Variants in TENM4 observed in about 807,000 individuals in gnomAD.
TENM4 encodes teneurin-4.
A neutral mutation model predicts 243.3 loss-of-function variants in TENM4; 82 were observed. The observed-to-expected ratio is 0.34, with a 90% CI of 0.28 to 0.40. The LOEUF is 0.40. Among genes scored for constraint, TENM4 ranks in the 10% least tolerant of loss-of-function variants. The probability of loss-of-function intolerance (pLI) is 1.00; values close to 1 mark genes in which losing one functional copy is unlikely to be tolerated. For missense variants in TENM4, 3,138 were observed against 3,673.3 expected, an observed-to-expected ratio of 0.85 and a Z score of 3.77; for synonymous variants, 1,412 against 1,456.3, an observed-to-expected ratio of 0.97 and a Z score of 0.69.
rs201503940 is a variant in TENM4 at position 78,868,912 on chromosome 11, C to T, written c.1085-5780G>A. ...CCCACTTTTCTGTTTTATATTAGTG[C>T]TCAGTTTTTTTTTTTAAATGACTAT... On this transcript the variant is annotated intron_variant, in intron 9 of 33. Transcript: ENST00000278550. 4.5e-4 allele frequency among the ~76,000 whole-genome samples: 69 copies of T among 151,726 alleles called. 1 individual carries two copies. In the East Asian group the frequency reaches 0.012, roughly 27 times the overall value.
intron 4 of TENM4, among the ~76,000 whole-genome samples, chr11:79,108,517 A>C (rs1283127382): frequency 6.6e-6 from 1 of 152,104 alleles, no homozygotes; most frequent in East Asian, 1.9e-4. Flanking sequence ...GTATATATAT[A>C]TATGTAGAAC....
At chr11:79,418,303 G>T (rs7106994) in intron 1 of TENM4, among the ~76,000 whole-genome samples, 95,101 of 151,906 alleles carry the variant, frequency 0.63, 29,829 homozygotes, top group African/African-American at 0.64. Context: ...GAATCTCTCT[G>T]TGGGGATTTC....
At chr11:79,049,056 T>C (rs1230332407) in intron 6 of TENM4, among the ~76,000 whole-genome samples, 1 of 152,200 alleles carries the variant, frequency 6.6e-6, no homozygotes, top group African/African-American at 2.4e-5. Context: ...GTCTTCTGTA[T>C]ACCATGAGCC....
At chr11:78,874,452 C>G (rs574169661) in intron 9 of TENM4, among the ~76,000 whole-genome samples, 1 of 152,192 alleles carries the variant, frequency 6.6e-6, no homozygotes, top group South Asian at 2.1e-4. Flanking sequence ...CAGACTGTTA[C>G]AAAGATTTAT....
chr11:78,739,830 A>G (rs1189397044), intron 19 of TENM4, among the ~76,000 whole-genome samples: 1 of 152,130 alleles, frequency 6.6e-6, no homozygotes, highest in Admixed American at 6.5e-5. Flanking sequence ...GAACTTTCTC[A>G]TTGTATGGAA....
At chr11:78,735,219 T>C (rs776590447) in intron 20 of TENM4, among the ~76,000 whole-genome samples, 1 of 152,186 alleles carries the variant, frequency 6.6e-6, no homozygotes, top group Non-Finnish European at 1.5e-5. Context: ...CTCATTCACT[T>C]AGATGAAGTT....
intron 9 of TENM4, among the ~76,000 whole-genome samples, chr11:78,864,922 G>T (rs893878672): frequency 6.6e-6 from 1 of 152,192 alleles, no homozygotes; most frequent in Non-Finnish European, 1.5e-5. Context: ...AGAAGGCCTA[G>T]AGGAGGGGGT....
At chr11:78,762,397 A>C (rs1856450456) in intron 18 of TENM4, among the ~76,000 whole-genome samples, 1 of 152,196 alleles carries the variant, frequency 6.6e-6, no homozygotes, top group African/African-American at 2.4e-5. Flanking sequence ...AGAGAACTGA[A>C]GTGGATAAAC....
At chr11:79,086,231 T>C (rs1860808488) in intron 4 of TENM4, among the ~76,000 whole-genome samples, 2 of 152,234 alleles carry the variant, frequency 1.3e-5, no homozygotes, top group South Asian at 4.1e-4. Flanking sequence ...CCCCTGCTTT[T>C]GGAAAACAGC....
chr11:78,841,748 T>A (rs1281474567), intron 12 of TENM4, among the ~76,000 whole-genome samples: 2 of 152,084 alleles, frequency 1.3e-5, no homozygotes, highest in African/African-American at 4.8e-5. Flanking sequence ...CTCCTCAGGT[T>A]ACTCCCATCT....
intron 29 of TENM4, among the ~76,000 whole-genome samples, chr11:78,684,068 T>C (rs145169030): frequency 1.3e-5 from 2 of 152,338 alleles, no homozygotes; most frequent in African/African-American, 4.8e-5. Flanking sequence ...CTCCCTGTCC[T>C]GTACACCCCT....
chr11:78,977,794 G>T (rs1046640724), intron 6 of TENM4, among the ~76,000 whole-genome samples: 3 of 152,178 alleles, frequency 2.0e-5, no homozygotes, highest in Non-Finnish European at 4.4e-5. Context: ...AAGACAGAAT[G>T]GTGATTCCTC....
chr11:79,300,108 C>G (rs565053), intron 1 of TENM4, among the ~76,000 whole-genome samples: 82,404 of 152,082 alleles, frequency 0.54, 23,233 homozygotes, highest in East Asian at 0.78. Flanking sequence ...ACACTTCTTG[C>G]AGACTCTGTT....
At position 79,068,712 on chromosome 11, in the gene TENM4, A is replaced by G. The variant is rs1444137254; in HGVS notation, c.223+1010T>C. Among the ~76,000 whole-genome samples, 4 of 152,328 alleles carry G rather than the reference A, an allele frequency of 2.6e-5. 1 individual carries two copies. Among genetic ancestry groups the G allele is most frequent in the South Asian group, 2.1e-4 (1 of 4,822 alleles). ...CATTGGTCATGACCCAACAGGCATC[A>G]AAGAGGGCTCAAGCCTCTGCAGGCA... On this transcript the variant is annotated intron_variant, in intron 5 of 33. Coordinates refer to ENST00000278550, the MANE Select transcript of TENM4 (RefSeq NM_001098816.3).
At position 78,755,167 on chromosome 11, in the gene TENM4, GT is replaced by G. The variant is rs201489577; in HGVS notation, c.2756+1637del. Among the ~76,000 whole-genome samples the G allele has an allele frequency of 8.0e-3, 1,208 of 151,494 alleles. 16 individuals are homozygous for G. Among genetic ancestry groups the G allele is most frequent in the African/African-American group, 0.027 (1,126 of 41,296 alleles). On this transcript the variant is annotated intron_variant, in intron 19 of 33. Transcript: ENST00000278550. ...TCATTACATATTCCCCTTGAGCAAGGTTTTTTTTTCTCCCTGAGATGGGGTC... is the reference window on the plus strand; with the variant it reads ...TCATTACATATTCCCCTTGAGCAAGGTTTTTTTTCTCCCTGAGATGGGGTC...
At chr11:78,763,858 G>A (rs1856485104) in intron 18 of TENM4, among the ~76,000 whole-genome samples, 1 of 148,872 alleles carries the variant, frequency 6.7e-6, no homozygotes, top group Admixed American at 6.6e-5. Context: ...AAAGAAATTT[G>A]AGTGTCTTTC....
chr11:79,391,389 T>G (rs1441741976), intron 1 of TENM4, among the ~76,000 whole-genome samples: 2 of 146,386 alleles, frequency 1.4e-5, no homozygotes, highest in Non-Finnish European at 3.0e-5. Context: ...TGTGCTAGCC[T>G]GTGGGATGCC....
chr11:78,747,575 A>G (rs1298286494), intron 19 of TENM4, among the ~76,000 whole-genome samples: 2 of 152,078 alleles, frequency 1.3e-5, no homozygotes, highest in African/African-American at 4.8e-5. Context: ...CAGGCAGGGG[A>G]GGCACGAGGG....
At chr11:78,914,689 C>T (rs955701579) in intron 6 of TENM4, among the ~76,000 whole-genome samples, 3 of 152,214 alleles carry the variant, frequency 2.0e-5, no homozygotes, top group Non-Finnish European at 4.4e-5. Context: ...GCTGTCAGAA[C>T]CTCCCACCCA....
Sources: allele counts gnomAD v4.1 joint callset (sites outside exome capture counted in the v4.1 genomes callset), GRCh38; gene constraint gnomAD v4.1.1; transcripts MANE v1.5; gene names NCBI Gene and HGNC (gene_info 2026-07-23, HGNC 2026-07-21).